ABCC1: variants seen among roughly 807,000 people sequenced by gnomAD.
ABCC1 encodes the protein multidrug resistance-associated protein 1.
In ABCC1, 83 loss-of-function variants were observed where a neutral mutation model predicts 172.9. The observed-to-expected ratio is 0.48, with a 90% CI of 0.40 to 0.58. ABCC1 has a LOEUF of 0.58. Ranked by LOEUF, ABCC1 falls within the 20% of genes least tolerant of loss-of-function variation. The pLI, the probability that ABCC1 is intolerant of heterozygous loss-of-function variation, is 0.00. For missense variants in ABCC1, 1,817 were observed against 2,002.7 expected (o/e 0.91, Z 1.77); for synonymous variants, 937 against 825.2 (o/e 1.14, Z -2.32).
chr16:16,124,397 G>GTGTGTGTGTGTGTA (rs1330130789), intron 24 of ABCC1, among the ~76,000 whole-genome samples: 2 of 136,404 alleles, frequency 1.5e-5, no homozygotes, highest in Non-Finnish European at 3.2e-5. Flanking sequence ...GTGTGTGTGT[G>GTGTGTGTGTGTGTA]TGTGTGTGTG....
rs755229163 is a variant in ABCC1 at position 16,086,893 on chromosome 16, A to G, written c.2362A>G (p.Ile788Val). The G allele has an allele frequency of 5.6e-5, 91 of 1,614,050 alleles. 3 individuals are homozygous for G. The South Asian group carries it at 8.0e-4, about 14-fold the overall frequency. The stretch of plus-strand genomic sequence containing the variant: ...CCGGGCCGTGTACTCCAACGCTGAC[A>G]TTTACCTCTTCGATGATCCCCTCTC... ...LARAVYSNAD[I>V]YLFDDPLSAV... The change falls in exon 18 of 31, where the codon ATT becomes GTT. Residue 788 changes from isoleucine (I) to valine (V), a missense_variant. By Grantham distance (29) the Ile-to-Val change is conservative. Transcript: ENST00000399410.
chr16:16,064,741 G>T (rs1016539844), intron 12 of ABCC1, among the ~76,000 whole-genome samples: 6 of 152,182 alleles, frequency 3.9e-5, no homozygotes, highest in African/African-American at 1.4e-4. Context: ...TATCTATCCA[G>T]CAGACATTCA....
chr16:16,026,654 G>A (rs1167268858), intron 5 of ABCC1, among the ~76,000 whole-genome samples: 2 of 151,702 alleles, frequency 1.3e-5, no homozygotes, highest in Non-Finnish European at 2.9e-5. Context: ...GGTGGGTCAT[G>A]CCTGTAATCC....
At chr16:16,137,491 C>T (rs941685756) in intron 29 of ABCC1, among the ~76,000 whole-genome samples, 1 of 150,874 alleles carries the variant, frequency 6.6e-6, no homozygotes, top group Non-Finnish European at 1.5e-5. Flanking sequence ...TGTCTGATTC[C>T]AGAGCCACCT....
chr16:15,989,616 C>T (rs2046814808), intron 1 of ABCC1, among the ~76,000 whole-genome samples: 1 of 152,188 alleles, frequency 6.6e-6, no homozygotes, highest in Non-Finnish European at 1.5e-5. Context: ...TGTCGTCTTG[C>T]CTTTCGTCCC....
chr16:16,032,135 C>T (rs921434484), intron 5 of ABCC1, among the ~76,000 whole-genome samples: 3 of 152,220 alleles, frequency 2.0e-5, no homozygotes, highest in Non-Finnish European at 4.4e-5. Context: ...GAACTACAGG[C>T]GCCTGCCACC....
At chr16:15,960,180 A>T (rs1345128748) in intron 1 of ABCC1, among the ~76,000 whole-genome samples, 1 of 152,108 alleles carries the variant, frequency 6.6e-6, no homozygotes, top group Non-Finnish European at 1.5e-5. Context: ...CTCCCAGGCC[A>T]AGTGACCCTC....
At chr16:15,975,451 A>G (rs963422546) in intron 1 of ABCC1, among the ~76,000 whole-genome samples, 5 of 151,992 alleles carry the variant, frequency 3.3e-5, no homozygotes, top group African/African-American at 4.8e-5. Flanking sequence ...TTGGGTGAAA[A>G]TGGGGTATGC....
At chr16:16,063,231 C>G (rs758736702) in intron 12 of ABCC1, among the ~76,000 whole-genome samples, 9 of 152,154 alleles carry the variant, frequency 5.9e-5, no homozygotes, top group East Asian at 1.9e-4. Context: ...CTCAGCCTCC[C>G]GAAGAGCTGG....
intron 1 of ABCC1, among the ~76,000 whole-genome samples, chr16:15,968,082 G>T (rs1436927913): frequency 5.3e-5 from 8 of 152,104 alleles, no homozygotes; most frequent in Non-Finnish European, 2.9e-5. Context: ...GCCCAGTCTG[G>T]AGTACAGTGA....
At chr16:16,095,570 G>A (rs1275437940) in intron 19 of ABCC1, among the ~76,000 whole-genome samples, 1 of 152,192 alleles carries the variant, frequency 6.6e-6, no homozygotes, top group Non-Finnish European at 1.5e-5. Context: ...AAAGCACCAC[G>A]AGCAAGAAAC....
In ABCC1 at chr16:16,111,468, G is replaced by A. The variant is rs35529209; in HGVS notation, c.2965G>A (p.Ala989Thr). 731 of 1,614,080 alleles carry A rather than the reference G, an allele frequency of 4.5e-4. No individual in the cohort carries two copies. Among genetic ancestry groups the A allele is most frequent in the Non-Finnish European group, 5.4e-4 (633 of 1,180,030 alleles). ...CCTTTTCATGTGTAACCATGTGTCC[G>A]CGCTGGCTTCCAACTATTGGCTCAG... Reference protein sequence around the residue: ...IFLFMCNHVSALASNYWLSLW... With the variant: ...IFLFMCNHVSTLASNYWLSLW... Residue 989 changes from alanine to threonine, a missense_variant, in exon 22 of 31, where the codon GCG becomes ACG. Around this residue, in one of 3 missense-constraint regions of ABCC1, gnomAD observed 1,412 missense variants for 1,600.3 expected, o/e 0.88. Coordinates refer to ENST00000399410, the MANE Select transcript of ABCC1 (RefSeq NM_004996.4).
At chr16:15,955,322 C>T (rs540117477) in intron 1 of ABCC1, among the ~76,000 whole-genome samples, 11 of 152,230 alleles carry the variant, frequency 7.2e-5, no homozygotes, top group East Asian at 3.9e-4. Flanking sequence ...TTCGCCACTG[C>T]GCTCCAGCCT....
intron 19 of ABCC1, among the ~76,000 whole-genome samples, chr16:16,098,510 T>C (rs1045185342): frequency 5.3e-5 from 8 of 152,130 alleles, no homozygotes; most frequent in Non-Finnish European, 1.0e-4. Flanking sequence ...TCCCAGCTAT[T>C]TGGGAGGCTG....
intron 16 of ABCC1, among the ~76,000 whole-genome samples, chr16:16,080,668 C>G (rs1421499164): frequency 6.6e-6 from 1 of 152,166 alleles, no homozygotes; most frequent in Non-Finnish European, 1.5e-5. Context: ...AATGCATACT[C>G]CAGCCCCCTC....
At chr16:16,101,891 T>C (rs948943299) in intron 19 of ABCC1, among the ~76,000 whole-genome samples, 5 of 152,226 alleles carry the variant, frequency 3.3e-5, no homozygotes, top group Non-Finnish European at 5.9e-5. Context: ...GCTGTGTCCC[T>C]TGGTGTCCTT....
intron 1 of ABCC1, among the ~76,000 whole-genome samples, chr16:15,979,918 C>T (rs2046582406): frequency 1.3e-5 from 2 of 152,118 alleles, no homozygotes; most frequent in African/African-American, 2.4e-5. Context: ...CATAGATGCC[C>T]TAGGTACTTC....
intron 1 of ABCC1, among the ~76,000 whole-genome samples, chr16:15,957,077 GT>G (rs1269902172): frequency 6.6e-6 from 1 of 151,336 alleles, no homozygotes; most frequent in Admixed American, 6.6e-5. Context: ...CAGATGGCTT[GT>G]TTTTTTATTT....
At chr16:16,037,882 A>G (rs2048817731) in intron 7 of ABCC1, among the ~76,000 whole-genome samples, 1 of 152,170 alleles carries the variant, frequency 6.6e-6, no homozygotes, top group African/African-American at 2.4e-5. Flanking sequence ...TGGGTGGTCC[A>G]GGTGATGGGA....
Sources: gnomAD v4.1 joint callset for allele counts (sites outside exome capture counted in the v4.1 genomes callset) on GRCh38, gnomAD v4.1.1 for gene constraint, gnomAD v4.1.1 regional missense constraint, MANE v1.5 for transcripts, NCBI Gene and HGNC (gene_info 2026-07-23, HGNC 2026-07-21) for gene names.